Variants in VWA5B2 observed in about 807,000 individuals in gnomAD.
VWA5B2 encodes the protein von Willebrand factor A domain containing 5B2.
In VWA5B2, 93 loss-of-function variants were observed where a neutral mutation model predicts 118.5. The ratio of observed to expected loss-of-function variants is 0.79; its 90% confidence interval spans 0.66 to 0.93. The LOEUF (loss-of-function observed/expected upper bound fraction) is 0.93. Among genes scored for constraint, VWA5B2 ranks in the 40% least tolerant of loss-of-function variants. VWA5B2 has a pLI of 0.00. For missense variants in VWA5B2, 1,546 were observed against 1,672.8 expected, an observed-to-expected ratio of 0.92 and a Z score of 1.32; for synonymous variants, 708 against 716.3, an observed-to-expected ratio of 0.99 and a Z score of 0.19.
In VWA5B2 at chr3:184,236,727, C is replaced by T. The variant is rs1235747456; in HGVS notation, c.1511C>T (p.Pro504Leu). ...LSRGQAYFLR[P>L]GQRLQPMLVQ... ...AGAGGCCAGGCCTACTTCCTGAGGC[C>T]TGGGCAGAGGCTGCAGCCCATGGTG... Residue 504 changes from proline to leucine, a missense_variant, in exon 11 of 20, where the codon CCT becomes CTT. Transcript: ENST00000691901. 6.5e-7 allele frequency: 1 copy of T among 1,543,998 alleles called. No homozygotes were observed. The highest frequency in any genetic ancestry group is 8.8e-7 in the Non-Finnish European group (1 of 1,142,078).
In VWA5B2 at chr3:184,233,080, T is replaced by C; in HGVS notation, c.311-98T>C. 8.8e-7 allele frequency: 1 copy of C among 1,139,332 alleles called. No individual in the cohort carries two copies. Among genetic ancestry groups the C allele is most frequent in the African/African-American group, 1.6e-5 (1 of 64,312 alleles). The allele number at this position is 1,139,332 out of a possible 1,614,324, so 70.6% of individuals were successfully genotyped here. A position where few individuals can be genotyped will look rare whatever the true frequency, so the allele number is the denominator to read the frequency against. On this transcript the variant is annotated intron_variant, in intron 3 of 19. Transcript: ENST00000691901. The surrounding 1 kb of genome is among the most constrained non-coding windows in gnomAD (Gnocchi z 5.2). ...CTAGTGCCAACACGCAAAGTCCCCC[T>C]TGCCCAGGCTCCCTGACCCAATGCC...
In VWA5B2 at chr3:184,242,070, C is replaced by T. The variant is rs1399264063; in HGVS notation, c.*32C>T. ...CCCCCTGCTGCTTGGGCTGGCGCCCCACCCAACACACTCAAGTCACTGCCG... is the reference window on the plus strand; with the variant it reads ...CCCCCTGCTGCTTGGGCTGGCGCCCTACCCAACACACTCAAGTCACTGCCG... On this transcript the variant is annotated 3_prime_UTR_variant, in exon 20 of 20. Transcript: ENST00000691901. 2 of 1,542,906 alleles carry T rather than the reference C, an allele frequency of 1.3e-6. No individual in the cohort carries two copies. Among genetic ancestry groups the T allele is most frequent in the Non-Finnish European group, 1.7e-6 (2 of 1,146,254 alleles).
At position 184,237,105 on chromosome 3, in the gene VWA5B2, C is replaced by A; in HGVS notation, c.1534-121C>A. Reference sequence around the variant, plus strand: ...TCCTTCTCCTGACCCCAGCCTGGCCCTGTGCCCCATCAGCTTAGGGGCTGG... The same window carrying A: ...TCCTTCTCCTGACCCCAGCCTGGCCATGTGCCCCATCAGCTTAGGGGCTGG... On this transcript the variant is annotated intron_variant, in intron 11 of 19. Coordinates refer to ENST00000691901, the MANE Select transcript of VWA5B2 (RefSeq NM_001390846.1). This position sits in a 1 kb window ranked among gnomAD's most constrained non-coding sequence, Gnocchi z 5.6. 1 of 1,131,698 alleles carries A rather than the reference C, an allele frequency of 8.8e-7. No individual in the cohort carries two copies. The highest frequency in any genetic ancestry group is 1.2e-6 in the Non-Finnish European group (1 of 801,782). The allele number at this position is 1,131,698 out of a possible 1,614,324, so 70.1% of individuals were successfully genotyped here.
At chr3:184,232,226 A>T (rs1359417024) in intron 3 of VWA5B2, among the ~76,000 whole-genome samples, 2 of 152,078 alleles carry the variant, frequency 1.3e-5, no homozygotes, top group Non-Finnish European at 2.9e-5. Context: ...CTTTGCATAC[A>T]TTGCCTCATT....
Position 184,230,931 on chromosome 3 carries a change from G to GCCCGCA in VWA5B2, c.310+20_310+25dup, listed in dbSNP as rs1361833067. 1.3e-5 allele frequency: 16 copies of GCCCGCA among 1,211,496 alleles called. No homozygotes were observed. Among genetic ancestry groups the GCCCGCA allele is most frequent in the East Asian group, 6.8e-5 (2 of 29,602 alleles). 75.0% of individuals were successfully genotyped at this position (1,211,496 alleles called of 1,614,324 possible). A position where few individuals can be genotyped will look rare whatever the true frequency, so the allele number is the denominator to read the frequency against. On this transcript the variant is annotated intron_variant, in intron 3 of 19. Transcript: ENST00000691901. ...GCTGCGCGCAGGGTGAGTTCCGCGCGCCCGCACCCGCGCTCCTGAAAGCCG... is the reference window on the plus strand; with the variant it reads ...GCTGCGCGCAGGGTGAGTTCCGCGCGCCCGCACCCGCACCCGCGCTCCTGAAAGCCG...
chr3:184,233,306 G>A lies in VWA5B2; in HGVS notation c.439G>A (p.Val147Met). ...SRELPSRPDGVLHVALPTVLT... is the reference protein window; with the variant it reads ...SRELPSRPDGMLHVALPTVLT... The stretch of plus-strand genomic sequence containing the variant: ...GGAGCTGCCCTCAAGGCCTGACGGG[G>A]TGCTGCATGTGGCCCTGCCCACTGT... The change falls in exon 4 of 20, where the codon GTG becomes ATG. Residue 147 changes from valine to methionine, a missense_variant. Val to Met is a conservative substitution (Grantham distance 21, BLOSUM62 1). Around this residue, in one of 3 missense-constraint regions of VWA5B2, gnomAD observed 775 missense variants for 882.3 expected, o/e 0.88. Transcript: ENST00000691901. This position sits in a 1 kb window ranked among gnomAD's most constrained non-coding sequence, Gnocchi z 5.2. The A allele has an allele frequency of 6.5e-7, 1 of 1,537,288 alleles. No individual in the cohort carries two copies. Among genetic ancestry groups the A allele is most frequent in the Non-Finnish European group, 8.8e-7 (1 of 1,140,356 alleles).
At chr3:184,230,711 G>A (rs1560149537) in intron 2 of VWA5B2, 36 bp from the exon 3 acceptor site, 8 of 1,222,276 alleles carry the variant, frequency 6.5e-6, no homozygotes, top group Middle Eastern at 3.2e-4. Context: ...GGTGCGCCGG[G>A]CAGGGTCCGA....
rs1167279959 is a variant in VWA5B2, at chr3:184,238,298, T to C, written c.1720-5T>C. ...TAATTTTTTTCCCAATAATATTCTCTCTAGGGCCAAGAGCCTGGCTGGCAG... is the reference window on the plus strand; with the variant it reads ...TAATTTTTTTCCCAATAATATTCTCCCTAGGGCCAAGAGCCTGGCTGGCAG... On this transcript the variant is annotated splice_region_variant and splice_polypyrimidine_tract_variant and intron_variant, in intron 12 of 19. Transcript: ENST00000691901. The surrounding 1 kb of genome is among the most constrained non-coding windows in gnomAD (Gnocchi z 5.0). 12 of 1,503,050 alleles carry C rather than the reference T, an allele frequency of 8.0e-6. No homozygotes were observed. Among genetic ancestry groups the C allele is most frequent in the Non-Finnish European group, 1.1e-5 (12 of 1,121,902 alleles). 93.1% of individuals were successfully genotyped at this position (1,503,050 alleles called of 1,614,324 possible).
At position 184,241,083 on chromosome 3, in the gene VWA5B2, C is replaced by G. The variant is rs1274461904; in HGVS notation, c.2938C>G (p.Leu980Val). The change falls in exon 18 of 20, where the codon CTG becomes GTG. Residue 980 changes from leucine (L) to valine (V), a missense_variant. Leu to Val is a conservative substitution (Grantham distance 32). Transcript: ENST00000691901. The surrounding 1 kb of genome is among the most constrained non-coding windows in gnomAD (Gnocchi z 5.1). ...ASHSHLDAAP[L>V]PTVVYSKGLQ... is the part of the protein sequence containing the mutation. ...TCACAGCCATCTAGATGCAGCTCCT[C>G]TGCCCACTGTTGTCTACTCTAAAGG... The G allele has an allele frequency of 3.2e-6, 5 of 1,551,798 alleles. No homozygotes were observed. Among genetic ancestry groups the G allele is most frequent in the Non-Finnish European group, 4.4e-6 (5 of 1,147,010 alleles).
rs1248164025 is a variant in VWA5B2, at chr3:184,234,774, G to A, written c.945+19G>A. ...CCGGCAGGTACCGCCATAGGAGCCT[G>A]GCCTGGCCCCTGGCCTTGGCTGCAT... On this transcript the variant is annotated intron_variant, in intron 7 of 19. Coordinates refer to ENST00000691901, the MANE Select transcript of VWA5B2 (RefSeq NM_001390846.1). The A allele has an allele frequency of 6.4e-7, 1 of 1,551,120 alleles. No homozygotes were observed. Among genetic ancestry groups the A allele is most frequent in the Admixed American group, 2.0e-5 (1 of 50,944 alleles).
chr3:184,231,983 G>A (rs1476951355), intron 3 of VWA5B2, among the ~76,000 whole-genome samples: 2 of 152,176 alleles, frequency 1.3e-5, no homozygotes, highest in Non-Finnish European at 2.9e-5. Flanking sequence ...GAAGGTAGGG[G>A]CAACAGTATA....
In VWA5B2 at chr3:184,241,958, C is replaced by T. The variant is rs1718761677; in HGVS notation, c.3649C>T (p.Arg1217Ter). 1 of 1,549,790 alleles carries T rather than the reference C, an allele frequency of 6.5e-7. No homozygotes were observed. The highest frequency in any genetic ancestry group is 1.2e-5 in the South Asian group (1 of 84,052). Residue 1217 changes from arginine to a stop codon, truncating the protein, a stop_gained, in exon 20 of 20, where the codon CGA (arginine) becomes TGA (stop). Coordinates refer to ENST00000691901, the MANE Select transcript of VWA5B2 (RefSeq NM_001390846.1). LOFTEE classifies it high-confidence loss of function. The surrounding 1 kb of genome is among the most constrained non-coding windows in gnomAD (Gnocchi z 5.1). The part of the protein sequence containing the change: ...LDLAALKAAA[R>*]GLFLLLRHWD... Reference sequence around the variant, plus strand: ...CCTGGCCGCCCTCAAGGCCGCAGCCCGAGGGCTCTTCCTGCTACTGCGCCA... The same window carrying T: ...CCTGGCCGCCCTCAAGGCCGCAGCCTGAGGGCTCTTCCTGCTACTGCGCCA...
At chr3:184,235,917 C>T (rs1168690756) in intron 8 of VWA5B2, among the ~76,000 whole-genome samples, 1 of 152,128 alleles carries the variant, frequency 6.6e-6, no homozygotes, top group Non-Finnish European at 1.5e-5. Context: ...CCCACACAGT[C>T]ATGTATACCT....
chr3:184,235,441 T>C (rs1405813588), intron 8 of VWA5B2, 133 bp downstream of exon 8: 9 of 1,036,130 alleles, frequency 8.7e-6, no homozygotes, highest in Non-Finnish European at 1.3e-5. Context: ...AGGAAGCAGA[T>C]GGCAACTCCT....
chr3:184,241,477 C>T lies in VWA5B2; in HGVS notation c.3181-13C>T, dbSNP rs566331893. On this transcript the variant is annotated splice_polypyrimidine_tract_variant and intron_variant, in intron 19 of 19. Coordinates refer to ENST00000691901, the MANE Select transcript of VWA5B2 (RefSeq NM_001390846.1). This position sits in a 1 kb window ranked among gnomAD's most constrained non-coding sequence, Gnocchi z 5.1. ...TTTCAGCTCGCTTCTCCCCCCACCT[C>T]CTCTCTCCTCAGGTGCGGCTGCAGG... 8.9e-5 allele frequency: 138 copies of T among 1,551,352 alleles called. No individual in the cohort carries two copies. Among genetic ancestry groups the T allele is most frequent in the Non-Finnish European group, 1.1e-4 (131 of 1,146,022 alleles).
In VWA5B2 at chr3:184,238,621, C is replaced by T. The variant is rs201254643; in HGVS notation, c.1950C>T (p.Ala650=). 796 of 1,552,030 alleles carry T rather than the reference C, an allele frequency of 5.1e-4. 4 individuals carry two copies. Among genetic ancestry groups the T allele is most frequent in the Middle Eastern group, 3.3e-4 (2 of 5,996 alleles). Residue 650 remains alanine (A), a synonymous_variant, in exon 14 of 20, where the codon GCC becomes GCT. Transcript: ENST00000691901. This position sits in a 1 kb window ranked among gnomAD's most constrained non-coding sequence, Gnocchi z 5.0. ...TDPGPNPSDT[A]IWRRIFQSSY... ...CTGGACCCAACCCCTCTGACACAGC[C>T]ATATGGCGCCGCATCTTTCAGTCCT...
In VWA5B2 at chr3:184,239,805, C is replaced by T; in HGVS notation, c.2509C>T (p.Pro837Ser). The T allele has an allele frequency of 6.5e-7, 1 of 1,548,136 alleles. No homozygotes were observed. The highest frequency in any genetic ancestry group is 1.2e-5 in the South Asian group (1 of 83,854). Residue 837 changes from proline to serine, a missense_variant, in exon 16 of 20, where the codon CCA becomes TCA. Physicochemically the swap from Pro to Ser is moderately conservative, Grantham distance 74. Transcript: ENST00000691901. The surrounding 1 kb of genome is among the most constrained non-coding windows in gnomAD (Gnocchi z 5.1). Reference sequence around the variant, plus strand: ...CCCTCCAGCAGTGCCTCCCCAGGCTCCACGCTGCCATGTGGTGATCCGGGG... The same window carrying T: ...CCCTCCAGCAGTGCCTCCCCAGGCTTCACGCTGCCATGTGGTGATCCGGGG... ...LAPPAVPPQA[P>S]RCHVVIRGLC...
rs1316569819 is a variant in VWA5B2 at position 184,240,009 on chromosome 3, G to C, written c.2713G>C (p.Gly905Arg). 8 of 1,547,778 alleles carry C rather than the reference G, an allele frequency of 5.2e-6. No individual in the cohort carries two copies. Among genetic ancestry groups the C allele is most frequent in the African/African-American group, 1.4e-5 (1 of 72,984 alleles). Residue 905 changes from glycine to arginine, a missense_variant, in exon 16 of 20, where the codon GGA becomes CGA. Gly to Arg is a moderately radical substitution (Grantham distance 125). This residue lies in a region of VWA5B2 where 763 missense variants were observed against 766.6 expected (regional missense o/e 1.00). Transcript: ENST00000691901. ...GGACAATGAGCAGCTGGCCCTCCGAGGAGGGGCAGAGACCACAGCTGACCG... is the reference window on the plus strand; with the variant it reads ...GGACAATGAGCAGCTGGCCCTCCGACGAGGGGCAGAGACCACAGCTGACCG... ...VRDNEQLALR[G>R]GAETTADRGH...
Position 184,241,817 on chromosome 3 carries a change from GC to G in VWA5B2, c.3510del (p.Val1171Ter). The G allele has an allele frequency of 6.6e-7, 1 of 1,518,910 alleles. No individual in the cohort carries two copies. Among genetic ancestry groups the G allele is most frequent in the Non-Finnish European group, 8.8e-7 (1 of 1,134,740 alleles). 94.1% of individuals were successfully genotyped at this position (1,518,910 alleles called of 1,614,324 possible). On this transcript the variant is annotated frameshift_variant, in exon 20 of 20. Coordinates refer to ENST00000691901, the MANE Select transcript of VWA5B2 (RefSeq NM_001390846.1). LOFTEE classifies it high-confidence loss of function. This position sits in a 1 kb window ranked among gnomAD's most constrained non-coding sequence, Gnocchi z 5.1. Reference sequence around the variant, plus strand: ...CCTGCGGGGCCGGACCTGGGCCACTGCCGTAGCACTCGCCTGGCTGGAGCAC... The same window carrying G: ...CCTGCGGGGCCGGACCTGGGCCACTGCGTAGCACTCGCCTGGCTGGAGCAC... ...TDLRGRTWATAVALAWLEHRC... is the reference protein window; with the variant it reads ...TDLRGRTWATXVALAWLEHRC...
Sources: gnomAD v4.1 joint callset for allele counts (sites outside exome capture counted in the v4.1 genomes callset) on GRCh38, gnomAD v4.1.1 for gene constraint, gnomAD v4.1.1 regional missense constraint, Gnocchi (gnomAD v3.1) non-coding constraint, MANE v1.5 for transcripts, NCBI Gene and HGNC (gene_info 2026-07-23, HGNC 2026-07-21) for gene names.